SLC4A4: variants seen among roughly 807,000 people sequenced by gnomAD.
The protein encoded by SLC4A4 is solute carrier family 4 member 4.
In SLC4A4, 27 loss-of-function variants were observed where a neutral mutation model predicts 111.5. The ratio of observed to expected loss-of-function variants is 0.24; its 90% confidence interval spans 0.18 to 0.33. The LOEUF is 0.33. Ranked by LOEUF, SLC4A4 falls within the 10% of genes least tolerant of loss-of-function variation. The probability of loss-of-function intolerance (pLI) is 1.00; values close to 1 mark genes in which losing one functional copy is unlikely to be tolerated. For synonymous variants in SLC4A4, 443 were observed against 463.4 expected, an observed-to-expected ratio of 0.96 and a Z score of 0.57; for missense variants, 909 against 1,315.5, an observed-to-expected ratio of 0.69 and a Z score of 4.78.
intron 1 of SLC4A4, among the ~76,000 whole-genome samples, chr4:71,235,024 G>A (rs1465560407): frequency 2.6e-5 from 4 of 152,186 alleles, no homozygotes; most frequent in Admixed American, 6.5e-5. Flanking sequence ...GCTGAGTCCT[G>A]CACTGTGTGC....
At chr4:71,476,532 A>C (rs1457648878) in intron 14 of SLC4A4, among the ~76,000 whole-genome samples, 2 of 151,738 alleles carry the variant, frequency 1.3e-5, no homozygotes, top group Non-Finnish European at 3.0e-5. Context: ...GAATGGAAAT[A>C]GGGGCCACTA....
intron 16 of SLC4A4, among the ~76,000 whole-genome samples, chr4:71,503,409 C>T (rs78011751): frequency 0.13 from 20,022 of 151,596 alleles, 1,674 homozygotes; most frequent in South Asian, 0.29. Context: ...TCTTGTTTAC[C>T]TCTGTGGTTT....
At chr4:71,447,085 C>A (rs1355274148) in intron 8 of SLC4A4, among the ~76,000 whole-genome samples, 2 of 152,240 alleles carry the variant, frequency 1.3e-5, no homozygotes, top group African/African-American at 2.4e-5. Context: ...TTTTGAATTT[C>A]TCTCATATTT....
intron 1 of SLC4A4, among the ~76,000 whole-genome samples, chr4:71,229,597 C>T (rs989332621): frequency 1.3e-5 from 2 of 152,064 alleles, no homozygotes; most frequent in Admixed American, 6.6e-5. Context: ...TTAGGGTGCT[C>T]CTGAGCTCTG....
chr4:71,379,776 G>A (rs6854540), intron 6 of SLC4A4, among the ~76,000 whole-genome samples: 1,547 of 152,118 alleles, frequency 0.01, 32 homozygotes, highest in African/African-American at 0.034. Flanking sequence ...TGGAGGGAAC[G>A]ATGACGAATT....
At chr4:71,247,286 A>G (rs896767364) in intron 2 of SLC4A4, among the ~76,000 whole-genome samples, 1 of 148,270 alleles carries the variant, frequency 6.7e-6, no homozygotes, top group African/African-American at 2.4e-5. Context: ...TATAAGATAT[A>G]TAACCATATG....
At position 71,366,249 on chromosome 4, in the gene SLC4A4, A is replaced by G. The variant is rs528548595; in HGVS notation, c.730+9062A>G. Among the ~76,000 whole-genome samples, 7 of 151,910 alleles carry G rather than the reference A, an allele frequency of 4.6e-5. No homozygotes were observed. In the South Asian group the frequency reaches 1.5e-3, roughly 32 times the overall value. On this transcript the variant is annotated intron_variant, in intron 6 of 25. Coordinates refer to ENST00000264485, the MANE Select transcript of SLC4A4 (RefSeq NM_001098484.3). The stretch of plus-strand genomic sequence containing the variant: ...AATCCCAAAAGAGTCCTAAAACTTC[A>G]CCATGAATAAAATTTATTTTCTTCT...
At chr4:71,106,326 G>C (rs2148949212) in intron 2 of SLC4A4, among the ~76,000 whole-genome samples, 1 of 151,170 alleles carries the variant, frequency 6.6e-6, no homozygotes, top group East Asian at 2.0e-4. Context: ...CTGTTGGTGG[G>C]ATTGTAAACT....
chr4:71,487,071 T>C, intron 15 of SLC4A4, 53 bp downstream of exon 15: 1 of 1,009,804 alleles, frequency 9.9e-7, no homozygotes, highest in Non-Finnish European at 1.6e-6. Context: ...TATTGTATAC[T>C]TGTTTATAAT....
At chr4:71,312,168 T>C (rs1024916825) in intron 3 of SLC4A4, among the ~76,000 whole-genome samples, 4 of 152,150 alleles carry the variant, frequency 2.6e-5, no homozygotes, top group African/African-American at 4.8e-5. Context: ...CTAGAAAATC[T>C]AGAAGAAATG....
chr4:71,547,357 A>T (rs1735627058), intron 19 of SLC4A4, among the ~76,000 whole-genome samples: 1 of 151,984 alleles, frequency 6.6e-6, no homozygotes, highest in Non-Finnish European at 1.5e-5. Context: ...TAATTGATGG[A>T]CCAAGAGCAA....
intron 2 of SLC4A4, among the ~76,000 whole-genome samples, chr4:71,131,517 G>C (rs973297551): frequency 6.6e-6 from 1 of 152,136 alleles, no homozygotes; most frequent in Admixed American, 6.5e-5. Context: ...TGCCAATCAG[G>C]GTAAAAAGCT....
At chr4:71,433,974 G>A (rs998102494) in intron 7 of SLC4A4, among the ~76,000 whole-genome samples, 9 of 151,930 alleles carry the variant, frequency 5.9e-5, no homozygotes, top group Admixed American at 1.3e-4. Context: ...AATTAGAAAA[G>A]CAAGGTAAAG....
chr4:71,337,826 A>T (rs999790775), intron 3 of SLC4A4, among the ~76,000 whole-genome samples: 13 of 151,446 alleles, frequency 8.6e-5, no homozygotes, highest in African/African-American at 2.4e-4. Context: ...ACATTTAATT[A>T]ATTAATTAAT....
chr4:71,182,400 T>C (rs1267779982), upstream of SLC4A4, among the ~76,000 whole-genome samples: 1 of 152,110 alleles, frequency 6.6e-6, no homozygotes, highest in Non-Finnish European at 1.5e-5. Context: ...AACTGTTTTG[T>C]TACTTGCAAG....
intron 6 of SLC4A4, among the ~76,000 whole-genome samples, chr4:71,395,886 C>T (rs925421604): frequency 1.3e-5 from 2 of 152,286 alleles, no homozygotes; most frequent in East Asian, 3.9e-4. Context: ...ATTGCTAAGG[C>T]TTCATTGCTT....
intron 1 of SLC4A4, among the ~76,000 whole-genome samples, chr4:71,215,329 A>T (rs1718364840): frequency 1.3e-5 from 2 of 152,210 alleles, no homozygotes; most frequent in Non-Finnish European, 2.9e-5. Context: ...TCCAAGGTGC[A>T]GATGGTTATG....
intron 23 of SLC4A4, among the ~76,000 whole-genome samples, chr4:71,560,940 G>T (rs1736929100): frequency 6.6e-6 from 1 of 151,758 alleles, no homozygotes; most frequent in East Asian, 1.9e-4. Context: ...CCAGCTCACA[G>T]AAATACAGAT....
intron 1 of SLC4A4, among the ~76,000 whole-genome samples, chr4:71,208,320 A>G (rs1717906720): frequency 6.6e-6 from 1 of 151,762 alleles, no homozygotes; most frequent in South Asian, 2.1e-4. Context: ...AGTCCCAGCT[A>G]CTCAGGAGGC....
Sources: gnomAD v4.1 joint callset for allele counts (sites outside exome capture counted in the v4.1 genomes callset) on GRCh38, gnomAD v4.1.1 for gene constraint, MANE v1.5 for transcripts, NCBI Gene and HGNC (gene_info 2026-07-23, HGNC 2026-07-21) for gene names.